RYR3: variants seen among roughly 807,000 people sequenced by gnomAD.
RYR3 encodes the protein ryanodine receptor 3.
Under a neutral mutation model 584.3 loss-of-function variants are expected in RYR3, and 207 were observed. The ratio of observed to expected loss-of-function variants is 0.35; its 90% CI spans 0.32 to 0.40. The LOEUF (loss-of-function observed/expected upper bound fraction) is 0.40. RYR3 is among the 10% of genes least tolerant of loss of function. The pLI is 1.00. For missense variants in RYR3, 5,616 were observed against 6,089.2 expected (o/e 0.92, Z 2.59); for synonymous variants, 2,416 against 2,248.5 (o/e 1.07, Z -2.11).
intron 1 of RYR3, among the ~76,000 whole-genome samples, chr15:33,340,671 G>A (rs767555548): frequency 4.6e-5 from 7 of 151,902 alleles, no homozygotes; most frequent in Non-Finnish European, 7.4e-5. Context: ...CTTCTTACAG[G>A]GACACTAGTC....
Position 33,838,882 on chromosome 15 carries a change from G to A in RYR3, c.12902G>A (p.Gly4301Asp). Residue 4301 changes from glycine (G) to aspartate (D), a missense_variant, in exon 89 of 104, where the codon GGT (glycine) becomes GAT (aspartate). Transcript: ENST00000634891. ...AAGCATGGGCCTGAAGTGGGTTTGG[G>A]TGACCTCTCAGAAATTATTGGCAAG... ...SLKHGPEVGL[G>D]DLSEIIGKDE... The A allele has an allele frequency of 6.2e-7, 1 of 1,613,974 alleles. No individual in the cohort carries two copies. The highest frequency in any genetic ancestry group is 8.5e-7 in the Non-Finnish European group (1 of 1,179,854).
intron 62 of RYR3, 89 bp downstream of exon 62, chr15:33,769,261 C>T (rs2073373662): frequency 3.0e-6 from 3 of 984,590 alleles, no homozygotes; most frequent in Non-Finnish European, 4.9e-6. Context: ...GAAGACAGAT[C>T]GCTGCTGCCA....
At chr15:33,624,555 G>A (rs1468933262) in intron 20 of RYR3, among the ~76,000 whole-genome samples, 1 of 152,206 alleles carries the variant, frequency 6.6e-6, no homozygotes, top group East Asian at 1.9e-4. Flanking sequence ...TAGACAGGTG[G>A]CAATGCGTAT....
intron 1 of RYR3, among the ~76,000 whole-genome samples, chr15:33,368,129 GA>G (rs1412375012): frequency 6.6e-6 from 1 of 151,830 alleles, no homozygotes; most frequent in Non-Finnish European, 1.5e-5. Flanking sequence ...ATTCCTTTTT[GA>G]AAAACCAGCC....
intron 16 of RYR3, among the ~76,000 whole-genome samples, chr15:33,600,320 A>G (rs2467564): frequency 0.67 from 102,062 of 151,872 alleles, 34,542 homozygotes; most frequent in East Asian, 0.93. Context: ...GCCACTTTGA[A>G]AGACTGAAAT....
At chr15:33,855,887 C>G (rs1014276994) in intron 98 of RYR3, 7 of 152,282 alleles carry the variant, frequency 4.6e-5, no homozygotes, top group Non-Finnish European at 8.8e-5. Flanking sequence ...TATACAGATT[C>G]AAACTGTTTA....
chr15:33,759,628 A>C (rs1002410146), intron 60 of RYR3, among the ~76,000 whole-genome samples: 2 of 152,246 alleles, frequency 1.3e-5, no homozygotes, highest in Non-Finnish European at 2.9e-5. Context: ...AAAGCCTTCA[A>C]GAAATATGGG....
At chr15:33,648,374 T>C (rs760753049) in intron 30 of RYR3, among the ~76,000 whole-genome samples, 7 of 152,222 alleles carry the variant, frequency 4.6e-5, no homozygotes, top group African/African-American at 7.2e-5. Flanking sequence ...TAATTAAGAA[T>C]GAATCTGCTC....
At chr15:33,668,336 C>A (rs765877506) in intron 36 of RYR3, among the ~76,000 whole-genome samples, 9 of 151,658 alleles carry the variant, frequency 5.9e-5, no homozygotes, top group Non-Finnish European at 1.0e-4. Flanking sequence ...AACAAACAAA[C>A]AAAAAAACTT....
chr15:33,333,665 T>C (rs1248737026), intron 1 of RYR3, among the ~76,000 whole-genome samples: 1 of 152,140 alleles, frequency 6.6e-6, no homozygotes, highest in Non-Finnish European at 1.5e-5. Context: ...ACCACTCCTA[T>C]TCAGCGTAGT....
rs199505984 is a variant in RYR3, at chr15:33,848,329, C to T, written c.13536C>T (p.Ala4512=). ...TTTTCAAAAGGGAAAAAGAAATCGCCAGGAAGCTGGAGTTTGATGGCCTAT... is the reference window on the plus strand; with the variant it reads ...TTTTCAAAAGGGAAAAAGAAATCGCTAGGAAGCTGGAGTTTGATGGCCTAT... ...LVVFKREKEI[A]RKLEFDGLYI... Residue 4512 remains alanine, a synonymous_variant, in exon 94 of 104, where the codon GCC becomes GCT. Transcript: ENST00000634891. 8 of 1,613,706 alleles carry T rather than the reference C, an allele frequency of 5.0e-6. No individual in the cohort carries two copies. The African/African-American group carries it at 9.3e-5, about 19-fold the overall frequency.
intron 49 of RYR3, among the ~76,000 whole-genome samples, chr15:33,738,032 C>T (rs1293723651): frequency 6.6e-6 from 1 of 152,082 alleles, no homozygotes; most frequent in Admixed American, 6.5e-5. Context: ...GCCCACCATC[C>T]TCTCCCCATA....
rs1389305066 is a variant in RYR3 at position 33,825,502 on chromosome 15, A to G, written c.11073-101A>G. 4 of 729,906 alleles carry G rather than the reference A, an allele frequency of 5.5e-6. No individual in the cohort carries two copies. In the Admixed American group the frequency reaches 7.6e-5, roughly 14 times the overall value. The allele number at this position is 729,906 out of a possible 1,614,324, so 45.2% of individuals were successfully genotyped here. A position where few individuals can be genotyped will look rare whatever the true frequency, so the allele number is the denominator to read the frequency against. On this transcript the variant is annotated intron_variant, in intron 81 of 103. Transcript: ENST00000634891. ...AATGTGTTAGTTTATTTACGATAAC[A>G]CAGGGGCAGGATATGCTTAGTCGAT...
rs964321195 is a variant in RYR3, at chr15:33,813,385, A to C, written c.10390-82A>C. 4 of 1,210,978 alleles carry C rather than the reference A, an allele frequency of 3.3e-6. No individual in the cohort carries two copies. The African/African-American group carries it at 6.0e-5, about 18-fold the overall frequency. The allele number at this position is 1,210,978 out of a possible 1,614,324, so 75.0% of individuals were successfully genotyped here. Reference sequence around the variant, plus strand: ...GAGAAGCCAAAATTCTTCCAGAATGAAGAAGTCTGGGCTACAGGTGACTAG... The same window carrying C: ...GAGAAGCCAAAATTCTTCCAGAATGCAGAAGTCTGGGCTACAGGTGACTAG... On this transcript the variant is annotated intron_variant, in intron 73 of 103. Coordinates refer to ENST00000634891, the MANE Select transcript of RYR3 (RefSeq NM_001036.6).
chr15:33,332,454 C>T (rs1012440252), intron 1 of RYR3, among the ~76,000 whole-genome samples: 1 of 151,856 alleles, frequency 6.6e-6, no homozygotes, highest in African/African-American at 2.4e-5. Flanking sequence ...TTGAAAGATA[C>T]AATTAATAAG....
chr15:33,387,934 G>C (rs2041734477), intron 1 of RYR3, among the ~76,000 whole-genome samples: 1 of 151,358 alleles, frequency 6.6e-6, no homozygotes, highest in East Asian at 1.9e-4. Context: ...AAAGAACAGA[G>C]GAAAGAAAGA....
chr15:33,382,461 C>T (rs1465859526), intron 1 of RYR3, among the ~76,000 whole-genome samples: 5 of 151,078 alleles, frequency 3.3e-5, no homozygotes, highest in Admixed American at 1.3e-4. Flanking sequence ...GTAGCTGGGA[C>T]TTCAGGTGCA....
intron 3 of RYR3, among the ~76,000 whole-genome samples, chr15:33,505,452 T>G (rs2052385945): frequency 1.3e-5 from 2 of 152,204 alleles, no homozygotes; most frequent in South Asian, 4.1e-4. Flanking sequence ...GACCTCAGCA[T>G]CTTATATCTT....
chr15:33,397,180 G>T (rs1228078143), intron 1 of RYR3, among the ~76,000 whole-genome samples: 1 of 152,156 alleles, frequency 6.6e-6, no homozygotes, highest in Non-Finnish European at 1.5e-5. Flanking sequence ...CCCCAGGCTG[G>T]GAAAACATAC....
Sources: gnomAD v4.1 joint callset for allele counts (sites outside exome capture counted in the v4.1 genomes callset) on GRCh38, gnomAD v4.1.1 for gene constraint, MANE v1.5 for transcripts, NCBI Gene and HGNC (gene_info 2026-07-23, HGNC 2026-07-21) for gene names.